Variants in SALL1 observed in about 807,000 individuals in gnomAD.
SALL1 encodes sal-like protein 1.
SALL1 carries 10 observed loss-of-function variants against 73.1 expected under a neutral mutation model. The ratio of observed to expected loss-of-function variants is 0.14; its 90% CI spans 0.08 to 0.23. SALL1 has a LOEUF of 0.23. SALL1 is among the 10% of genes least tolerant of loss of function. The probability of loss-of-function intolerance (pLI) is 1.00; values close to 1 mark genes in which losing one functional copy is unlikely to be tolerated. For synonymous variants in SALL1, 688 were observed against 689.8 expected (o/e 1.00, Z 0.04); for missense variants, 1,520 against 1,697.3 (o/e 0.90, Z 1.84).
rs772476680 is a variant in SALL1 at position 51,141,471 on chromosome 16, G to C, written c.751C>G (p.Arg251Gly). The C allele has an allele frequency of 1.2e-6, 2 of 1,614,164 alleles. No individual in the cohort carries two copies. Among genetic ancestry groups the C allele is most frequent in the Admixed American group, 1.7e-5 (1 of 60,032 alleles). Reference sequence around the variant, plus strand: ...GAAGCCAACAGCAATATTTGGTGACGAATCTGTTCGATCAATTGCAGCTGG... The same window carrying C: ...GAAGCCAACAGCAATATTTGGTGACCAATCTGTTCGATCAATTGCAGCTGG... ...IHQLQLIEQI[R>G]HQILLLASQN... Residue 251 changes from arginine (R) to glycine (G), a missense_variant, in exon 2 of 3, where the codon CGT becomes GGT. Transcript: ENST00000251020. This position sits in a 1 kb window ranked among gnomAD's most constrained non-coding sequence, Gnocchi z 5.4.
Position 51,141,567 on chromosome 16 carries a change from C to A in SALL1, c.655G>T (p.Ala219Ser). ...QFSQEARCGG[A>S]SGGKLAVPAL... Reference sequence around the variant, plus strand: ...GGGACGGCCAGCTTGCCCCCAGAGGCCCCGCCGCACCTCGCTTCCTGGGAG... The same window carrying A: ...GGGACGGCCAGCTTGCCCCCAGAGGACCCGCCGCACCTCGCTTCCTGGGAG... The change falls in exon 2 of 3, where the codon GCC becomes TCC. Residue 219 changes from alanine to serine, a missense_variant. Coordinates refer to ENST00000251020, the MANE Select transcript of SALL1 (RefSeq NM_002968.3). The surrounding 1 kb of genome is among the most constrained non-coding windows in gnomAD (Gnocchi z 5.4). 6.2e-7 allele frequency: 1 copy of A among 1,614,118 alleles called. No homozygotes were observed. The highest frequency in any genetic ancestry group is 1.7e-5 in the Admixed American group (1 of 60,020).
intron 1 of SALL1, among the ~76,000 whole-genome samples, chr16:51,147,760 G>A (rs1962539155): frequency 8.0e-6 from 1 of 125,260 alleles, no homozygotes; most frequent in Non-Finnish European, 1.8e-5. Context: ...TCTTAAAAAC[G>A]CCACCAAAGG....
At chr16:51,151,897 C>T (rs965771157), upstream of SALL1, among the ~76,000 whole-genome samples, 2 of 151,388 alleles carry the variant, frequency 1.3e-5, no homozygotes, top group African/African-American at 4.8e-5. Flanking sequence ...GCGAGGCGCG[C>T]CGGCCCGCGG....
At chr16:51,150,389 T>C in intron 1 of SALL1, 1 of 985,180 alleles carries the variant, frequency 1.0e-6, no homozygotes, top group Non-Finnish European at 1.2e-6. Flanking sequence ...ACCAGAAAGA[T>C]TTTGGGGGGC....
At position 51,142,517 on chromosome 16, in the gene SALL1, T is replaced by C. The variant is rs147471503; in HGVS notation, c.77-372A>G. On this transcript the variant is annotated intron_variant, in intron 1 of 2. Transcript: ENST00000251020. Reference sequence around the variant, plus strand: ...ACCATTCTGAGGACTTATTAGGCTCTTGAGTTTCTGTCAACCTTATTCATT... The same window carrying C: ...ACCATTCTGAGGACTTATTAGGCTCCTGAGTTTCTGTCAACCTTATTCATT... Among the ~76,000 whole-genome samples, 160 of 152,344 alleles carry C rather than the reference T, an allele frequency of 1.1e-3. 1 individual carries two copies. Among genetic ancestry groups the C allele is most frequent in the African/African-American group, 3.7e-3 (154 of 41,578 alleles).
At position 51,141,518 on chromosome 16, in the gene SALL1, G is replaced by C; in HGVS notation, c.704C>G (p.Ala235Gly). 6.2e-7 allele frequency: 1 copy of C among 1,613,994 alleles called. No homozygotes were observed. Among genetic ancestry groups the C allele is most frequent in the Non-Finnish European group, 8.5e-7 (1 of 1,179,950 alleles). Residue 235 changes from alanine to glycine, a missense_variant, in exon 2 of 3, where the codon GCT (alanine) becomes GGT (glycine). Ala to Gly is a moderately conservative substitution (Grantham distance 60, BLOSUM62 0). Coordinates refer to ENST00000251020, the MANE Select transcript of SALL1 (RefSeq NM_002968.3). The surrounding 1 kb of genome is among the most constrained non-coding windows in gnomAD (Gnocchi z 5.4). The part of the protein sequence containing the change: ...AVPALMEQLL[A>G]LQQQQIHQLQ... ...CTGGTGGATCTGCTGCTGCTGCAGA[G>C]CTAGGAGTTGTTCCATGAGGGCTGG...
chr16:51,143,597 T>TA (rs1962475449), intron 1 of SALL1, among the ~76,000 whole-genome samples: 1 of 152,204 alleles, frequency 6.6e-6, no homozygotes, highest in Non-Finnish European at 1.5e-5. Context: ...TCAGTAAACT[T>TA]AAAAGTCCGT....
chr16:51,138,912 G>A lies in SALL1; in HGVS notation c.3310C>T (p.Pro1104Ser). Residue 1104 changes from proline (P) to serine (S), a missense_variant, in exon 2 of 3, where the codon CCC becomes TCC. By Grantham distance (74) the Pro-to-Ser change is moderately conservative. Transcript: ENST00000251020. ...GGCCCAGACGGGACGTGACTGGTGG[G>A]GGTGTCCTTACTGTCCTGAGGAGAA... is the stretch of plus-strand genomic sequence containing the variant. ...HVSPQDSKDT[P>S]TSHVPSGPLS... is the part of the protein sequence containing the mutation. 1 of 1,614,206 alleles carries A rather than the reference G, an allele frequency of 6.2e-7. No homozygotes were observed. Among genetic ancestry groups the A allele is most frequent in the Non-Finnish European group, 8.5e-7 (1 of 1,180,046 alleles).
rs1229579958 is a variant in SALL1 at position 51,139,672 on chromosome 16, G to A, written c.2550C>T (p.Ser850=). 1 of 1,614,126 alleles carries A rather than the reference G, an allele frequency of 6.2e-7. No individual in the cohort carries two copies. Among genetic ancestry groups the A allele is most frequent in the African/African-American group, 1.3e-5 (1 of 74,952 alleles). ...CGAGGGGCAAAGGCGAAGAGGATAA[G>A]CTGTCTTGGGAGGCGTCTGCAGACT... ...TPKSADASQD[S]LSSSPLPLEM... is the part of the protein sequence containing the mutation. Residue 850 remains serine, a synonymous_variant, in exon 2 of 3, where the codon AGC becomes AGT. Coordinates refer to ENST00000251020, the MANE Select transcript of SALL1 (RefSeq NM_002968.3).
rs749605203 is a variant in SALL1, at chr16:51,139,786, G to T, written c.2436C>A (p.Ser812=). Residue 812 remains serine (S), a synonymous_variant, in exon 2 of 3, where the codon TCC becomes TCA. Transcript: ENST00000251020. The part of the protein sequence containing the change: ...YSESMESDTG[S]FDEKNFDDLD... ...GGTCATCAAAATTTTTCTCATCAAA[G>T]GAACCTGTGTCAGACTCCATGGACT... 42 of 1,614,162 alleles carry T rather than the reference G, an allele frequency of 2.6e-5. No homozygotes were observed. In the South Asian group the frequency reaches 3.7e-4, roughly 14 times the overall value.
intron 1 of SALL1, among the ~76,000 whole-genome samples, chr16:51,144,732 G>A (rs563760234): frequency 6.6e-6 from 1 of 152,194 alleles, no homozygotes. Flanking sequence ...GTGCTGCCTC[G>A]AGACTCACTT....
At position 51,140,301 on chromosome 16, in the gene SALL1, C is replaced by A. The variant is rs750975954; in HGVS notation, c.1921G>T (p.Val641Phe). 2 of 1,614,122 alleles carry A rather than the reference C, an allele frequency of 1.2e-6. No individual in the cohort carries two copies. Among genetic ancestry groups the A allele is most frequent in the Admixed American group, 3.3e-5 (2 of 60,030 alleles). ...CAGTCTGCCGCTGGGGAGCTCAGGACGCTACTGCTCGCCGTCGGGACTGAG... is the reference window on the plus strand; with the variant it reads ...CAGTCTGCCGCTGGGGAGCTCAGGAAGCTACTGCTCGCCGTCGGGACTGAG... ...TNSVPTASSS[V>F]LSSPAADCGP... The change falls in exon 2 of 3, where the codon GTC becomes TTC. Residue 641 changes from valine (V) to phenylalanine (F), a missense_variant. Around this residue, in one of 7 missense-constraint regions of SALL1, gnomAD observed 276 missense variants for 259.1 expected, o/e 1.07. Coordinates refer to ENST00000251020, the MANE Select transcript of SALL1 (RefSeq NM_002968.3). This position sits in a 1 kb window ranked among gnomAD's most constrained non-coding sequence, Gnocchi z 5.7.
upstream of SALL1, chr16:51,151,280 C>T: frequency 1.4e-6 from 2 of 1,431,598 alleles, no homozygotes; most frequent in Non-Finnish European, 1.9e-6. Context: ...TAAAAAATTA[C>T]TAAAAAAAAA....
intron 1 of SALL1, among the ~76,000 whole-genome samples, chr16:51,145,756 C>A (rs571900789): frequency 1.3e-5 from 2 of 152,162 alleles, no homozygotes; most frequent in African/African-American, 4.8e-5. Flanking sequence ...GTTTAGCCAG[C>A]CAGGAAGGGA....
rs1291932129 is a variant in SALL1, at chr16:51,140,105, T to C, written c.2117A>G (p.Asn706Ser). The change falls in exon 2 of 3, where the codon AAT (asparagine) becomes AGT (serine). Residue 706 changes from asparagine to serine, a missense_variant. By Grantham distance (46) the Asn-to-Ser change is conservative (BLOSUM62 1). Transcript: ENST00000251020. The surrounding 1 kb of genome is among the most constrained non-coding windows in gnomAD (Gnocchi z 5.7). ...ENIDKKATDP[N>S]ECIICHRVLS... is the part of the protein sequence containing the mutation. ...AACCCGGTGGCAGATGATGCACTCATTGGGGTCAGTGGCCTTCTTGTCAAT... is the reference window on the plus strand; with the variant it reads ...AACCCGGTGGCAGATGATGCACTCACTGGGGTCAGTGGCCTTCTTGTCAAT... The C allele has an allele frequency of 1.1e-5, 17 of 1,614,024 alleles. No individual in the cohort carries two copies. The highest frequency in any genetic ancestry group is 1.3e-5 in the African/African-American group (1 of 74,910).
Position 51,140,492 on chromosome 16 carries a change from G to A in SALL1, c.1730C>T (p.Pro577Leu). 2 of 1,613,962 alleles carry A rather than the reference G, an allele frequency of 1.2e-6. No homozygotes were observed. Among genetic ancestry groups the A allele is most frequent in the Non-Finnish European group, 1.7e-6 (2 of 1,179,934 alleles). ...IPFIKTEEPA[P>L]IPISHSATSP... ...GGTGGCAGAATGGCTGATGGGGATG[G>A]GGGCTGGCTCTTCCGTCTTGATGAA... The change falls in exon 2 of 3, where the codon CCC (proline) becomes CTC (leucine). Residue 577 changes from proline to leucine, a missense_variant. Pro to Leu is a moderately conservative substitution (Grantham distance 98). Coordinates refer to ENST00000251020, the MANE Select transcript of SALL1 (RefSeq NM_002968.3). The surrounding 1 kb of genome is among the most constrained non-coding windows in gnomAD (Gnocchi z 5.7).
rs371880168 is a variant in SALL1, at chr16:51,138,913, G to T, written c.3309C>A (p.Thr1103=). ...GCCCAGACGGGACGTGACTGGTGGGGGTGTCCTTACTGTCCTGAGGAGAAA... is the reference window on the plus strand; with the variant it reads ...GCCCAGACGGGACGTGACTGGTGGGTGTGTCCTTACTGTCCTGAGGAGAAA... ...VHVSPQDSKD[T]PTSHVPSGPL... is the part of the protein sequence containing the mutation. The change falls in exon 2 of 3, where the codon ACC becomes ACA. Residue 1103 remains threonine (T), a synonymous_variant. Coordinates refer to ENST00000251020, the MANE Select transcript of SALL1 (RefSeq NM_002968.3). The T allele has an allele frequency of 3.1e-6, 5 of 1,614,156 alleles. No individual in the cohort carries two copies. The highest frequency in any genetic ancestry group is 1.1e-5 in the South Asian group (1 of 91,076).
rs1299500935 is a variant in SALL1, at chr16:51,140,740, G to A, written c.1482C>T (p.Val494=). The A allele has an allele frequency of 1.3e-5, 21 of 1,614,086 alleles. No homozygotes were observed. The highest frequency in any genetic ancestry group is 1.8e-5 in the Non-Finnish European group (21 of 1,180,046). ...NRFSTKGNLK[V]HFQRHKEKYP... ...ATTTCTCTTTGTGGCGCTGAAAGTG[G>A]ACTTTCAGATTCCCCTTGGTGGAGA... is the stretch of plus-strand genomic sequence containing the variant. Residue 494 remains valine (V), a synonymous_variant, in exon 2 of 3, where the codon GTC becomes GTT. Coordinates refer to ENST00000251020, the MANE Select transcript of SALL1 (RefSeq NM_002968.3). This position sits in a 1 kb window ranked among gnomAD's most constrained non-coding sequence, Gnocchi z 5.7.
rs1839107843 is a variant in SALL1 at position 51,142,021 on chromosome 16, T to A, written c.201A>T (p.Lys67Asn). Residue 67 changes from lysine to asparagine, a missense_variant, in exon 2 of 3, where the codon AAA (lysine) becomes AAT (asparagine). Around this residue, in one of 7 missense-constraint regions of SALL1, gnomAD observed 540 missense variants for 567.5 expected, o/e 0.95. Transcript: ENST00000251020. ...CATTTACGATTAAAACTAATTGATTTTTAGTACAGTTCTTCTTGTGGAGCA... is the reference window on the plus strand; with the variant it reads ...CATTTACGATTAAAACTAATTGATTATTAGTACAGTTCTTCTTGTGGAGCA... ...DLLLHKKNCT[K>N]NQLVLIVNEN... 1 of 1,613,946 alleles carries A rather than the reference T, an allele frequency of 6.2e-7. No individual in the cohort carries two copies. The highest frequency in any genetic ancestry group is 1.3e-5 in the African/African-American group (1 of 74,888).
Sources: allele counts gnomAD v4.1 joint callset (sites outside exome capture counted in the v4.1 genomes callset), GRCh38; gene constraint gnomAD v4.1.1; regional missense constraint gnomAD v4.1.1; non-coding constraint Gnocchi (gnomAD v3.1); transcripts MANE v1.5; gene names NCBI Gene and HGNC (gene_info 2026-07-23, HGNC 2026-07-21).